The following MALRD1 variants were observed in gnomAD, a reference collection of about 807,000 sequenced individuals.
MALRD1 encodes the protein MAM and LDL-receptor class A domain-containing protein 1.
A neutral mutation model predicts 242.1 loss-of-function variants in MALRD1; 247 were observed. The observed-to-expected ratio is 1.02, with a 90% CI of 0.92 to 1.13. MALRD1 has a LOEUF of 1.13. Among genes scored for constraint, MALRD1 ranks in the 50% most tolerant of loss-of-function variants. The pLI is 0.00. For synonymous variants in MALRD1, 995 were observed against 866.6 expected, an observed-to-expected ratio of 1.15 and a Z score of -2.60; for missense variants, 2,989 against 2,533.1, an observed-to-expected ratio of 1.18 and a Z score of -3.86.
At chr10:19,332,977 A>G (rs915668837) in intron 24 of MALRD1, among the ~76,000 whole-genome samples, 7 of 152,068 alleles carry the variant, frequency 4.6e-5, no homozygotes, top group African/African-American at 1.7e-4. Flanking sequence ...GCACCCATCA[A>G]CATTAGGTGT....
At chr10:19,606,381 C>G (rs1282458776) in intron 34 of MALRD1, among the ~76,000 whole-genome samples, 1 of 151,934 alleles carries the variant, frequency 6.6e-6, no homozygotes, top group Non-Finnish European at 1.5e-5. Context: ...TATATGATAC[C>G]GTTAAGTAAA....
intron 38 of MALRD1, among the ~76,000 whole-genome samples, chr10:19,719,217 TAC>T (rs1491578787): frequency 1.7e-4 from 10 of 60,288 alleles, no homozygotes; most frequent in African/African-American, 6.9e-4. Context: ...TATATACACA[TAC>T]ATACATATAT....
chr10:19,603,583 T>G (rs1360281624), intron 34 of MALRD1, among the ~76,000 whole-genome samples: 2 of 152,176 alleles, frequency 1.3e-5, no homozygotes, highest in Non-Finnish European at 2.9e-5. Context: ...ACTATGCTGT[T>G]TTGGTTACTA....
At position 19,387,599 on chromosome 10, in the gene MALRD1, G is replaced by A. The variant is rs748931130; in HGVS notation, c.4513G>A (p.Val1505Ile). 28 of 1,550,244 alleles carry A rather than the reference G, an allele frequency of 1.8e-5. No homozygotes were observed. The highest frequency in any genetic ancestry group is 3.3e-4 in the Middle Eastern group (2 of 6,016). The change falls in exon 27 of 40, where the codon GTA (valine) becomes ATA (isoleucine). Residue 1505 changes from valine to isoleucine, a missense_variant. Physicochemically the swap from Val to Ile is conservative, Grantham distance 29. Coordinates refer to ENST00000454679, the MANE Select transcript of MALRD1 (RefSeq NM_001142308.3). ...CYRLEQSCNF[V>I]DNCGDNTDEN... ...TAGGCTGGAACAAAGCTGTAACTTCGTAGATAACTGTGGAGATAATACTGA... is the reference window on the plus strand; with the variant it reads ...TAGGCTGGAACAAAGCTGTAACTTCATAGATAACTGTGGAGATAATACTGA...
intron 36 of MALRD1, among the ~76,000 whole-genome samples, chr10:19,651,102 A>C (rs1564516214): frequency 6.6e-6 from 1 of 152,208 alleles, no homozygotes. Flanking sequence ...ACACAATACC[A>C]TTTCTCTTCT....
At chr10:19,273,882 A>G (rs974512649) in intron 19 of MALRD1, among the ~76,000 whole-genome samples, 4 of 152,154 alleles carry the variant, frequency 2.6e-5, no homozygotes, top group Admixed American at 1.3e-4. Context: ...ATAGGAAAAC[A>G]TGCTCAACAT....
At chr10:19,425,659 G>A (rs1274610332) in intron 28 of MALRD1, among the ~76,000 whole-genome samples, 1 of 152,168 alleles carries the variant, frequency 6.6e-6, no homozygotes, top group African/African-American at 2.4e-5. Context: ...AGGGAGTTCA[G>A]TGCATTCTCC....
chr10:19,152,323 C>A (rs1163477611), intron 11 of MALRD1, among the ~76,000 whole-genome samples: 1 of 152,156 alleles, frequency 6.6e-6, no homozygotes, highest in Non-Finnish European at 1.5e-5. Context: ...ACTCTCTATA[C>A]CCCTTACCTG....
chr10:19,690,395 T>C (rs1367266061), intron 36 of MALRD1, among the ~76,000 whole-genome samples: 1 of 152,080 alleles, frequency 6.6e-6, no homozygotes, highest in African/African-American at 2.4e-5. Context: ...CCTATGAAGA[T>C]TCCAATTCCT....
At chr10:19,608,198 T>A (rs1047793015) in intron 35 of MALRD1, among the ~76,000 whole-genome samples, 2 of 152,112 alleles carry the variant, frequency 1.3e-5, no homozygotes, top group African/African-American at 4.8e-5. Flanking sequence ...ATCTCTCCTC[T>A]GAAAATTGCT....
At chr10:19,463,067 A>G (rs1046275951) in intron 29 of MALRD1, among the ~76,000 whole-genome samples, 2 of 152,216 alleles carry the variant, frequency 1.3e-5, no homozygotes, top group African/African-American at 4.8e-5. Flanking sequence ...ACTAAGTTGT[A>G]TTACTAGGAA....
In MALRD1 at chr10:19,204,978, G is replaced by A. The variant is rs1230668488; in HGVS notation, c.2291G>A (p.Trp764Ter). The change falls in exon 17 of 40, where the codon TGG (tryptophan) becomes TAG (stop). Residue 764 changes from tryptophan (W) to a stop codon, truncating the protein, a stop_gained. Transcript: ENST00000454679. LOFTEE classifies it high-confidence loss of function. ...MENSHDSTVI[W>*]RVLYNQGKQW... ...AATTCTCATGACTCAACAGTGATTT[G>A]GAGAGTATTATACAATCAGGGCAAA... The A allele has an allele frequency of 3.9e-6, 6 of 1,550,620 alleles. 1 individual carries two copies. The Admixed American group carries it at 1.2e-4, about 30-fold the overall frequency.
intron 28 of MALRD1, among the ~76,000 whole-genome samples, chr10:19,425,053 A>C (rs1833855270): frequency 6.6e-6 from 1 of 152,200 alleles, no homozygotes; most frequent in Admixed American, 6.5e-5. Context: ...TTTGCCTTTT[A>C]AAATATGATA....
chr10:19,364,156 A>G (rs891326083), intron 26 of MALRD1, among the ~76,000 whole-genome samples: 3 of 152,136 alleles, frequency 2.0e-5, no homozygotes, highest in African/African-American at 7.2e-5. Context: ...TAAAAATATA[A>G]GGATCATAAT....
At chr10:19,321,143 C>G (rs981880772) in intron 21 of MALRD1, among the ~76,000 whole-genome samples, 1 of 152,020 alleles carries the variant, frequency 6.6e-6, no homozygotes, top group Non-Finnish European at 1.5e-5. Context: ...AGTCTTTGCC[C>G]ATGCTTGTGT....
intron 33 of MALRD1, among the ~76,000 whole-genome samples, chr10:19,584,056 G>A (rs1330225155): frequency 6.7e-6 from 1 of 150,308 alleles, no homozygotes; most frequent in Non-Finnish European, 1.5e-5. Flanking sequence ...TATATCTGTG[G>A]GATCGGTGGT....
chr10:19,540,797 C>CA (rs1834933186), intron 32 of MALRD1, among the ~76,000 whole-genome samples: 1 of 152,010 alleles, frequency 6.6e-6, no homozygotes, highest in African/African-American at 2.4e-5. Flanking sequence ...CTTAAATTTA[C>CA]AAAAATATAT....
intron 31 of MALRD1, among the ~76,000 whole-genome samples, chr10:19,519,911 T>C (rs997414379): frequency 6.6e-6 from 1 of 152,226 alleles, no homozygotes; most frequent in Non-Finnish European, 1.5e-5. Flanking sequence ...ACAGTTGCTA[T>C]TGTTTACCTC....
intron 14 of MALRD1, among the ~76,000 whole-genome samples, chr10:19,196,348 A>G (rs1386322679): frequency 6.6e-6 from 1 of 151,880 alleles, no homozygotes; most frequent in African/African-American, 2.4e-5. Flanking sequence ...TCTCTTCTGA[A>G]TCTCTTTTTA....
Sources: allele counts gnomAD v4.1 joint callset (sites outside exome capture counted in the v4.1 genomes callset), GRCh38; gene constraint gnomAD v4.1.1; transcripts MANE v1.5; gene names NCBI Gene and HGNC (gene_info 2026-07-23, HGNC 2026-07-21).